NSMAF: variants seen among roughly 807,000 people sequenced by gnomAD.
NSMAF encodes protein FAN.
In NSMAF, 90 loss-of-function variants were observed where a neutral mutation model predicts 134.9. That is an observed-to-expected ratio of 0.67 (90% CI 0.56 to 0.79). NSMAF has a LOEUF of 0.79. NSMAF is among the 30% of genes least tolerant of loss of function. The pLI is 0.00. For synonymous variants in NSMAF, 358 were observed against 389.6 expected (o/e 0.92, Z 0.96); for missense variants, 1,010 against 1,119.0 (o/e 0.90, Z 1.39).
chr8:58,601,836 AG>A (rs1215396688), intron 14 of NSMAF, among the ~76,000 whole-genome samples: 2 of 152,222 alleles, frequency 1.3e-5, no homozygotes, highest in Non-Finnish European at 2.9e-5. Context: ...AAAATAATTC[AG>A]TGAACCTGTA....
In NSMAF at chr8:58,600,084, A is replaced by C. The variant is rs1207673455; in HGVS notation, c.1281-63T>G. ...GGAAATAGCAATAGCAGCATTTCCT[A>C]TGCACTTGGGGGCTGTTCTACACTT... On this transcript the variant is annotated intron_variant, in intron 16 of 30. Coordinates refer to ENST00000038176, the MANE Select transcript of NSMAF (RefSeq NM_003580.4). 7 of 1,224,862 alleles carry C rather than the reference A, an allele frequency of 5.7e-6. No homozygotes were observed. In the Admixed American group the frequency reaches 8.8e-5, roughly 15 times the overall value. The allele number at this position is 1,224,862 out of a possible 1,614,324, so 75.9% of individuals were successfully genotyped here.
intron 1 of NSMAF, among the ~76,000 whole-genome samples, chr8:58,657,617 C>CA (rs1369305490): frequency 2.0e-5 from 3 of 152,022 alleles, no homozygotes; most frequent in African/African-American, 7.2e-5. Flanking sequence ...CAGTGCATAC[C>CA]TGATGTGAGA....
chr8:58,634,637 TA>T (rs992080878), intron 5 of NSMAF, among the ~76,000 whole-genome samples: 2 of 152,232 alleles, frequency 1.3e-5, no homozygotes, highest in African/African-American at 4.8e-5. Flanking sequence ...TACAATTTTT[TA>T]AATCTACATA....
intron 1 of NSMAF, among the ~76,000 whole-genome samples, chr8:58,648,279 C>G (rs888667714): frequency 6.6e-6 from 1 of 152,126 alleles, no homozygotes; most frequent in African/African-American, 2.4e-5. Flanking sequence ...CTGGCTGCTT[C>G]TAAAAGCCAA....
Position 58,630,426 on chromosome 8 carries a change from TCAATGAAC to T in NSMAF, c.384+1062_384+1069del, listed in dbSNP as rs575650033. On this transcript the variant is annotated intron_variant, in intron 6 of 30. Transcript: ENST00000038176. ...CTTTTATTTCCTTTCACATAATCTT[TCAATGAAC>T]CATGTGCAGGTATGCAATTCAGCTG... Among the ~76,000 whole-genome samples, 585 of 152,220 alleles carry T rather than the reference TCAATGAAC, an allele frequency of 3.8e-3. 5 individuals carry two copies. The highest frequency in any genetic ancestry group is 6.8e-3 in the Non-Finnish European group (465 of 68,004).
intron 1 of NSMAF, among the ~76,000 whole-genome samples, chr8:58,656,128 C>T (rs1039373248): frequency 7.9e-5 from 12 of 151,882 alleles, no homozygotes; most frequent in Admixed American, 7.2e-4. Flanking sequence ...AAGCAATTCT[C>T]CTGCCTCAGT....
chr8:58,640,944 CAG>C (rs1807320930), intron 2 of NSMAF, among the ~76,000 whole-genome samples: 1 of 151,948 alleles, frequency 6.6e-6, no homozygotes, highest in Non-Finnish European at 1.5e-5. Flanking sequence ...ATTTTTGAGA[CAG>C]AGTCTTGCTT....
intron 1 of NSMAF, among the ~76,000 whole-genome samples, chr8:58,653,636 T>C (rs538855881): frequency 1.3e-5 from 2 of 152,114 alleles, no homozygotes. Context: ...AATTCTAAGT[T>C]ACTTACTGAA....
intron 23 of NSMAF, among the ~76,000 whole-genome samples, chr8:58,591,456 A>AT (rs1414470415): frequency 8.0e-6 from 1 of 124,618 alleles, no homozygotes; most frequent in Non-Finnish European, 1.7e-5. Context: ...CAAGCATTTA[A>AT]TTTTCTTGTG....
chr8:58,648,055 G>C (rs940476197), intron 1 of NSMAF, among the ~76,000 whole-genome samples: 34 of 152,174 alleles, frequency 2.2e-4, no homozygotes, highest in African/African-American at 7.2e-4. Context: ...TAGGAATATG[G>C]ACAGTGAAGG....
Position 58,601,327 on chromosome 8 carries a change from A to C in NSMAF, c.1238T>G (p.Leu413Arg). The C allele has an allele frequency of 6.2e-7, 1 of 1,614,024 alleles. No individual in the cohort carries two copies. Among genetic ancestry groups the C allele is most frequent in the Non-Finnish European group, 8.5e-7 (1 of 1,179,906 alleles). ...VRIAPEYMLCLQNGRFDNADR... is the reference protein window; with the variant it reads ...VRIAPEYMLCRQNGRFDNADR... Reference sequence around the variant, plus strand: ...TGCATTATCAAATCTTCCATTCTGCAGGCACAGCATATACTCTGGTGCTAG... The same window carrying C: ...TGCATTATCAAATCTTCCATTCTGCCGGCACAGCATATACTCTGGTGCTAG... The change falls in exon 16 of 31, where the codon CTG (leucine) becomes CGG (arginine). Residue 413 changes from leucine to arginine, a missense_variant. Transcript: ENST00000038176.
At position 58,659,749 on chromosome 8, in the gene NSMAF, C is replaced by G; in HGVS notation, c.-118G>C. The G allele has an allele frequency of 1.3e-6, 1 of 782,480 alleles. No homozygotes were observed. Among genetic ancestry groups the G allele is most frequent in the East Asian group, 3.7e-5 (1 of 26,738 alleles). 48.5% of individuals were successfully genotyped at this position (782,480 alleles called of 1,614,324 possible). On this transcript the variant is annotated 5_prime_UTR_variant, in exon 1 of 31. Transcript: ENST00000038176. ...TGGCCGGCTGGGGAGCGCGCGGCTG[C>G]CGGCCTGGCTTCCCCTGCGGCGCCG...
intron 1 of NSMAF, among the ~76,000 whole-genome samples, chr8:58,656,578 G>C (rs1210189214): frequency 1.3e-5 from 2 of 152,056 alleles, no homozygotes; most frequent in African/African-American, 2.4e-5. Flanking sequence ...TGTAATCCCA[G>C]CACTTTGGGA....
At chr8:58,649,615 G>A (rs1006762812) in intron 1 of NSMAF, among the ~76,000 whole-genome samples, 4 of 152,190 alleles carry the variant, frequency 2.6e-5, no homozygotes, top group Non-Finnish European at 5.9e-5. Context: ...CCTCATGAAT[G>A]CCTCAGCACC....
At chr8:58,623,643 T>C in intron 7 of NSMAF, 66 bp downstream of exon 7, 1 of 1,382,438 alleles carries the variant, frequency 7.2e-7, no homozygotes, top group Middle Eastern at 1.8e-4. Context: ...GGTATATAAA[T>C]ACGAAATTTA....
chr8:58,640,146 T>C (rs1204334890), intron 2 of NSMAF: 2 of 445,564 alleles, frequency 4.5e-6, no homozygotes, highest in South Asian at 3.2e-5. Flanking sequence ...CCATACCACA[T>C]CATACACTTG....
rs577231567 is a variant in NSMAF at position 58,583,734 on chromosome 8, G to A, written c.*372C>T. ...ACAAAACAGATTCAGAAGTAGCAGAGAATACTGCACATTTTCTTGGAAAAT... is the reference window on the plus strand; with the variant it reads ...ACAAAACAGATTCAGAAGTAGCAGAAAATACTGCACATTTTCTTGGAAAAT... On this transcript the variant is annotated 3_prime_UTR_variant, in exon 31 of 31. Coordinates refer to ENST00000038176, the MANE Select transcript of NSMAF (RefSeq NM_003580.4). 1 of 254,742 alleles carries A rather than the reference G, an allele frequency of 3.9e-6. No homozygotes were observed. The highest frequency in any genetic ancestry group is 2.3e-5 in the African/African-American group (1 of 42,632). The allele number at this position is 254,742 out of a possible 1,614,324, so 15.8% of individuals were successfully genotyped here.
intron 14 of NSMAF, 64 bp from the exon 15 acceptor site, chr8:58,601,599 T>C: frequency 6.5e-7 from 1 of 1,527,016 alleles, no homozygotes; most frequent in South Asian, 1.3e-5. Flanking sequence ...AACTGACAAG[T>C]AGAAAAAGCC....
rs190554965 is a variant in NSMAF, at chr8:58,584,123, A to G, written c.2737T>C (p.Trp913Arg). 3.7e-6 allele frequency: 6 copies of G among 1,612,918 alleles called. No individual in the cohort carries two copies. The highest frequency in any genetic ancestry group is 2.2e-5 in the East Asian group (1 of 44,842). Residue 913 changes from tryptophan to arginine, a missense_variant, in exon 31 of 31, where the codon TGG becomes CGG. Trp to Arg is a moderately radical substitution (Grantham distance 101, BLOSUM62 -3). Coordinates refer to ENST00000038176, the MANE Select transcript of NSMAF (RefSeq NM_003580.4). The part of the protein sequence containing the change: ...TGGEDRQIIF[W>R]KLQY ...AAAGGCACTTAATACTGCAATTTCC[A>G]GAATATAATTTGTCTGTCTTCCCCT... is the stretch of plus-strand genomic sequence containing the variant.
Sources: gnomAD v4.1 joint callset for allele counts (sites outside exome capture counted in the v4.1 genomes callset) on GRCh38, gnomAD v4.1.1 for gene constraint, MANE v1.5 for transcripts, NCBI Gene and HGNC (gene_info 2026-07-23, HGNC 2026-07-21) for gene names.